SEMA6D: variants seen among roughly 807,000 people sequenced by gnomAD.
The protein encoded by SEMA6D is semaphorin-6D.
A neutral mutation model predicts 106.6 loss-of-function variants in SEMA6D; 35 were observed. The ratio of observed to expected loss-of-function variants is 0.33; its 90% confidence interval spans 0.25 to 0.44. The LOEUF (loss-of-function observed/expected upper bound fraction) is 0.44, where lower values mean the gene tolerates loss of function less well. Among genes scored for constraint, SEMA6D ranks in the 20% least tolerant of loss-of-function variants. SEMA6D has a pLI of 1.00. For missense variants in SEMA6D, 1,185 were observed against 1,345.9 expected, an observed-to-expected ratio of 0.88 and a Z score of 1.87; for synonymous variants, 499 against 487.7, an observed-to-expected ratio of 1.02 and a Z score of -0.31.
intron 1 of SEMA6D, among the ~76,000 whole-genome samples, chr15:47,204,451 AT>A (rs1196289582): frequency 6.6e-6 from 1 of 152,178 alleles, no homozygotes; most frequent in Non-Finnish European, 1.5e-5. Context: ...ATAATATTTC[AT>A]TAAGTTAATC....
intron 4 of SEMA6D, among the ~76,000 whole-genome samples, chr15:47,613,984 A>G (rs2076960723): frequency 6.6e-6 from 1 of 152,166 alleles, no homozygotes; most frequent in Non-Finnish European, 1.5e-5. Flanking sequence ...TTCAAGGAAT[A>G]TTTAAATTTA....
intron 1 of SEMA6D, chr15:47,730,764 G>C: frequency 6.3e-7 from 1 of 1,598,544 alleles, no homozygotes; most frequent in South Asian, 1.1e-5. Context: ...TGATATAGTG[G>C]GGCCATTTCA....
At position 47,407,396 on chromosome 15, in the gene SEMA6D, AC is replaced by A. The variant is rs1567058108; in HGVS notation, c.-238-4996del. Among the ~76,000 whole-genome samples the A allele has an allele frequency of 2.2e-3, 308 of 138,072 alleles. 3 individuals carry two copies. The highest frequency in any genetic ancestry group is 3.3e-3 in the Non-Finnish European group (208 of 62,422). The allele number at this position is 138,072 out of a possible 152,430, so 90.6% of individuals were successfully genotyped here. On this transcript the variant is annotated intron_variant, in intron 1 of 19. Transcript: ENST00000558014. ...AAAAAAAAAAAAAAAAACCAAAACA[AC>A]AACAACAACAACAAAAAAAACAAAA...
intron 4 of SEMA6D, among the ~76,000 whole-genome samples, chr15:47,626,691 T>C (rs1428549458): frequency 6.6e-6 from 1 of 152,198 alleles, no homozygotes; most frequent in Non-Finnish European, 1.5e-5. Context: ...ACAACACCTT[T>C]GTTTCTGAGC....
chr15:47,761,813 T>C (rs2082074818), intron 7 of SEMA6D, 62 bp downstream of exon 7: 2 of 1,360,182 alleles, frequency 1.5e-6, no homozygotes, highest in Non-Finnish European at 2.1e-6. Context: ...AAAAGGAATT[T>C]AATGGAAGAG....
At chr15:47,570,043 C>G (rs2046339824) in intron 3 of SEMA6D, among the ~76,000 whole-genome samples, 1 of 147,860 alleles carries the variant, frequency 6.8e-6, no homozygotes, top group Admixed American at 6.7e-5. Context: ...GCCCGGGCAA[C>G]AGAGGGAGAC....
intron 3 of SEMA6D, among the ~76,000 whole-genome samples, chr15:47,485,426 C>T (rs912221129): frequency 8.6e-5 from 13 of 151,822 alleles, no homozygotes; most frequent in African/African-American, 3.1e-4. Context: ...GACACCCACC[C>T]CCATTCAAAA....
At chr15:47,319,571 G>A (rs933720474) in intron 1 of SEMA6D, among the ~76,000 whole-genome samples, 5 of 152,002 alleles carry the variant, frequency 3.3e-5, no homozygotes, top group Admixed American at 2.0e-4. Context: ...AAAACAGGAT[G>A]GGGTGGAATA....
intron 1 of SEMA6D, among the ~76,000 whole-genome samples, chr15:47,210,222 A>G (rs531482163): frequency 6.6e-6 from 1 of 152,258 alleles, no homozygotes; most frequent in South Asian, 2.1e-4. Context: ...ATGGGTTCAA[A>G]TAATAATTCA....
chr15:47,668,877 TGTACTG>T (rs1481001450), intron 4 of SEMA6D, among the ~76,000 whole-genome samples: 3 of 152,190 alleles, frequency 2.0e-5, no homozygotes, highest in Admixed American at 6.6e-5. Flanking sequence ...TCAGCCCTTG[TGTACTG>T]GCAGGAAATA....
chr15:47,255,356 A>G (rs2033749691), intron 1 of SEMA6D, among the ~76,000 whole-genome samples: 1 of 151,742 alleles, frequency 6.6e-6, no homozygotes. Context: ...TAGCTAAAAG[A>G]TGTGTCAATT....
At chr15:47,597,340 G>A (rs11636665) in intron 3 of SEMA6D, among the ~76,000 whole-genome samples, 150,912 of 152,176 alleles carry the variant, frequency 0.99, 74,838 homozygotes, top group Middle Eastern at 1. Flanking sequence ...CAGAACGACA[G>A]TATGGTCCGG....
intron 4 of SEMA6D, among the ~76,000 whole-genome samples, chr15:47,665,707 G>A (rs1477634296): frequency 1.3e-5 from 2 of 152,210 alleles, no homozygotes; most frequent in African/African-American, 4.8e-5. Context: ...CTACTCAGGA[G>A]GCTGAGGCAG....
At chr15:47,656,206 C>G (rs116187642) in intron 4 of SEMA6D, among the ~76,000 whole-genome samples, 1 of 152,078 alleles carries the variant, frequency 6.6e-6, no homozygotes, top group African/African-American at 2.4e-5. Flanking sequence ...ACAGTATATA[C>G]GAAATAAGGT....
chr15:47,502,588 T>C (rs1426100510), intron 3 of SEMA6D, among the ~76,000 whole-genome samples: 1 of 152,218 alleles, frequency 6.6e-6, no homozygotes, highest in East Asian at 1.9e-4. Flanking sequence ...TGGTAAAATC[T>C]GCGACCCAAG....
chr15:47,190,014 C>G (rs1307129004), intron 1 of SEMA6D, among the ~76,000 whole-genome samples: 1 of 152,198 alleles, frequency 6.6e-6, no homozygotes, highest in African/African-American at 2.4e-5. Context: ...TACACTGCAA[C>G]AAAGTGCTGG....
intron 1 of SEMA6D, among the ~76,000 whole-genome samples, chr15:47,265,540 T>TA (rs2034276138): frequency 2.0e-5 from 3 of 151,688 alleles, no homozygotes; most frequent in African/African-American, 7.3e-5. Context: ...TCTTTGGACA[T>TA]ACTTACAATG....
intron 1 of SEMA6D, among the ~76,000 whole-genome samples, chr15:47,223,252 A>T (rs1337404988): frequency 6.6e-6 from 1 of 152,124 alleles, no homozygotes; most frequent in African/African-American, 2.4e-5. Flanking sequence ...TTATCAATCT[A>T]TGTTAATAAT....
At chr15:47,493,124 C>G (rs1054402658) in intron 3 of SEMA6D, among the ~76,000 whole-genome samples, 4 of 152,146 alleles carry the variant, frequency 2.6e-5, no homozygotes, top group African/African-American at 9.7e-5. Flanking sequence ...CAATTAGATT[C>G]TCCATATGTC....
Sources: gnomAD v4.1 joint callset for allele counts (sites outside exome capture counted in the v4.1 genomes callset) on GRCh38, gnomAD v4.1.1 for gene constraint, MANE v1.5 for transcripts, NCBI Gene and HGNC (gene_info 2026-07-23, HGNC 2026-07-21) for gene names.